MACF1: variants seen among roughly 807,000 people sequenced by gnomAD.
MACF1 encodes microtubule actin crosslinking factor 1.
In MACF1, 193 loss-of-function variants were observed where a neutral mutation model predicts 854.8. The ratio of observed to expected loss-of-function variants is 0.23; its 90% CI spans 0.20 to 0.25. The LOEUF is 0.25. MACF1 is among the 10% of genes least tolerant of loss of function. MACF1 has a pLI of 1.00. For synonymous variants in MACF1, 3,185 were observed against 3,226.7 expected (o/e 0.99, Z 0.44); for missense variants, 7,722 against 8,929.1 (o/e 0.86, Z 5.45).
rs1644685503 is a variant in MACF1 at position 39,224,103 on chromosome 1, G to C, written c.110-7079G>C. On this transcript the variant is annotated intron_variant, in intron 1 of 100. Transcript: ENST00000564288. The stretch of plus-strand genomic sequence containing the variant: ...TGTATAGGTCACAGCTGAAACTATG[G>C]ATGTTCATTAAATCATTAAGGGAGA... 2.0e-5 allele frequency among the ~76,000 whole-genome samples: 3 copies of C among 152,158 alleles called. No individual in the cohort carries two copies. The East Asian group carries it at 5.8e-4, about 29-fold the overall frequency.
At chr1:39,418,202 G>A (rs1643400446) in intron 58 of MACF1, among the ~76,000 whole-genome samples, 2 of 152,168 alleles carry the variant, frequency 1.3e-5, no homozygotes, top group Non-Finnish European at 2.9e-5. Context: ...TTGTACAGTG[G>A]AGTGGATAGT....
chr1:39,380,450 A>G (rs1330210005), intron 55 of MACF1, 77 bp downstream of exon 55: 5 of 1,392,096 alleles, frequency 3.6e-6, no homozygotes, highest in South Asian at 1.3e-5. Flanking sequence ...AGCACATCCT[A>G]TAAAACAGGA....
intron 21 of MACF1, chr1:39,298,758 A>T (rs571428971): frequency 1.9e-4 from 73 of 381,748 alleles, no homozygotes; most frequent in African/African-American, 1.4e-3. Context: ...GACTTTTCAG[A>T]TGTTGTCTCT....
intron 58 of MACF1, among the ~76,000 whole-genome samples, chr1:39,396,271 C>T (rs1448727096): frequency 6.8e-6 from 1 of 147,770 alleles, no homozygotes; most frequent in Non-Finnish European, 1.5e-5. Flanking sequence ...AGTGAGCCGA[C>T]ATCGCGCCAC....
rs1385222118 is a variant in MACF1 at position 39,291,951 on chromosome 1, T to C, written c.1827T>C (p.Ser609=). ...ERAEWGNDLP[S]VELQLETQQH... is the part of the protein sequence containing the mutation. ...CAGAGTGGGGCAATGACCTGCCTAG[T>C]GTGGAGTTGCAGCTAGAAACACAGC... is the stretch of plus-strand genomic sequence containing the variant. Residue 609 remains serine (S), a synonymous_variant, in exon 16 of 101, where the codon AGT becomes AGC. Coordinates refer to ENST00000564288, the MANE Select transcript of MACF1 (RefSeq NM_001394062.1). 3 of 1,613,944 alleles carry C rather than the reference T, an allele frequency of 1.9e-6. No homozygotes were observed. Among genetic ancestry groups the C allele is most frequent in the African/African-American group, 2.7e-5 (2 of 74,932 alleles).
intron 60 of MACF1, 86 bp from the exon 61 acceptor site, chr1:39,423,942 G>A: frequency 1.6e-6 from 2 of 1,220,424 alleles, no homozygotes; most frequent in Non-Finnish European, 2.3e-6. Context: ...GATTTGGCGG[G>A]TTGGTTTCTT....
intron 2 of MACF1, among the ~76,000 whole-genome samples, chr1:39,160,034 G>A (rs1034012501): frequency 6.6e-5 from 10 of 152,242 alleles, no homozygotes; most frequent in African/African-American, 2.2e-4. Flanking sequence ...GGATATACAG[G>A]TCGGGCATGG....
chr1:39,179,559 G>T (rs145532935), intron 2 of MACF1, among the ~76,000 whole-genome samples: 2 of 152,070 alleles, frequency 1.3e-5, no homozygotes, highest in Non-Finnish European at 2.9e-5. Context: ...AATTAGAGAG[G>T]ATTAGAGTTA....
At chr1:39,315,788 A>G in intron 27 of MACF1, 97 bp downstream of exon 27, 2 of 1,229,830 alleles carry the variant, frequency 1.6e-6, no homozygotes, top group South Asian at 1.5e-5. Context: ...CAGAGAGATT[A>G]TAGATCCTGA....
chr1:39,340,508 G>T lies in MACF1; in HGVS notation c.10222G>T (p.Glu3408Ter). ...CTCCACTTTATTCCCTCAGGTATTA[G>T]AAAGGGAGTTAAAGGATCTGACCAC... Reference protein sequence around the residue: ...QDLLCQAKVLERELKDLTTLV... With the variant: ...QDLLCQAKVL Residue 3408 changes from glutamate to a stop codon, truncating the protein, a stop_gained, in exon 39 of 101, where the codon GAA becomes TAA. Transcript: ENST00000564288. LOFTEE classifies it high-confidence loss of function. The T allele has an allele frequency of 6.2e-7, 1 of 1,610,874 alleles. No homozygotes were observed. Among genetic ancestry groups the T allele is most frequent in the South Asian group, 1.1e-5 (1 of 91,006 alleles).
At chr1:39,330,054 A>G (rs1004011395) in intron 36 of MACF1, among the ~76,000 whole-genome samples, 2 of 152,172 alleles carry the variant, frequency 1.3e-5, no homozygotes, top group Non-Finnish European at 2.9e-5. Flanking sequence ...AGATTCAAAC[A>G]ATTGTTTTCA....
At chr1:39,433,400 G>A (rs1285983305) in intron 68 of MACF1, among the ~76,000 whole-genome samples, 3 of 152,170 alleles carry the variant, frequency 2.0e-5, no homozygotes, top group East Asian at 3.8e-4. Context: ...CAGGGGAATT[G>A]CTACTTATCC....
chr1:39,416,461 A>G (rs1032185289), intron 58 of MACF1, among the ~76,000 whole-genome samples: 5 of 152,032 alleles, frequency 3.3e-5, no homozygotes, highest in African/African-American at 9.7e-5. Context: ...CCTAGGCAAC[A>G]TAGTAAGACC....
Position 39,359,154 on chromosome 1 carries a change from A to G in MACF1, c.12134A>G (p.Glu4045Gly). The change falls in exon 47 of 101, where the codon GAA becomes GGA. Residue 4045 changes from glutamate to glycine, a missense_variant. This residue lies in a region of MACF1 where 2,807 missense variants were observed against 3,235.8 expected (regional missense o/e 0.87). Coordinates refer to ENST00000564288, the MANE Select transcript of MACF1 (RefSeq NM_001394062.1). Reference protein sequence around the residue: ...QLATTKQLQEELAEHQVPVEK... With the variant: ...QLATTKQLQEGLAEHQVPVEK... ...ATGGACAAGCAGCAGTTGCAGGAGG[A>G]ATTGGCTGAGCACCAAGTACCTGTG... is the stretch of plus-strand genomic sequence containing the variant. 6.2e-7 allele frequency: 1 copy of G among 1,613,990 alleles called. No homozygotes were observed. The highest frequency in any genetic ancestry group is 1.1e-5 in the South Asian group (1 of 91,064).
intron 15 of MACF1, among the ~76,000 whole-genome samples, chr1:39,290,331 G>A (rs1349391780): frequency 6.6e-6 from 1 of 152,106 alleles, no homozygotes; most frequent in African/African-American, 2.4e-5. Context: ...TGTTGAAAAT[G>A]AGTTCATTGT....
chr1:39,437,504 G>A lies in MACF1; in HGVS notation c.17989-273G>A, dbSNP rs556296755. ...TTTTTGTATTTTTAGTAGGGACGGC[G>A]TTTCACCATGTTGGCCAGGCTGGTC... is the stretch of plus-strand genomic sequence containing the variant. On this transcript the variant is annotated intron_variant, in intron 70 of 100. Transcript: ENST00000564288. Among the ~76,000 whole-genome samples, 25 of 151,848 alleles carry A rather than the reference G, an allele frequency of 1.6e-4. No individual in the cohort carries two copies. In the South Asian group the frequency reaches 1.9e-3, roughly 11 times the overall value.
intron 97 of MACF1, among the ~76,000 whole-genome samples, chr1:39,476,768 G>A (rs1420565180): frequency 4.0e-5 from 6 of 151,840 alleles, no homozygotes; most frequent in Non-Finnish European, 8.8e-5. Context: ...CATGAGACAT[G>A]TAGGGCATGG....
At chr1:39,233,104 G>A (rs1430554771) in intron 2 of MACF1, among the ~76,000 whole-genome samples, 2 of 151,510 alleles carry the variant, frequency 1.3e-5, no homozygotes, top group African/African-American at 4.9e-5. Flanking sequence ...GCACGATCTC[G>A]GCTCACTGCA....
chr1:39,328,045 C>A (rs1206351748), intron 36 of MACF1, among the ~76,000 whole-genome samples: 1 of 152,084 alleles, frequency 6.6e-6, no homozygotes, highest in Non-Finnish European at 1.5e-5. Context: ...AAGCAATGGC[C>A]AACTTATGTG....
Sources: gnomAD v4.1 joint callset for allele counts (sites outside exome capture counted in the v4.1 genomes callset) on GRCh38, gnomAD v4.1.1 for gene constraint, gnomAD v4.1.1 regional missense constraint, MANE v1.5 for transcripts, NCBI Gene and HGNC (gene_info 2026-07-23, HGNC 2026-07-21) for gene names.